The following MAGI3 variants were observed in gnomAD, a reference collection of about 807,000 sequenced individuals.
MAGI3 encodes the protein membrane-associated guanylate kinase, WW and PDZ domain-containing protein 3.
Under a neutral mutation model 121.8 loss-of-function variants are expected in MAGI3, and 43 were observed. That is an observed-to-expected ratio of 0.35 (90% CI 0.28 to 0.46). The LOEUF (loss-of-function observed/expected upper bound fraction) is 0.46. MAGI3 is among the 20% of genes least tolerant of loss of function. The pLI is 1.00. For missense variants in MAGI3, 1,547 were observed against 1,797.3 expected, an observed-to-expected ratio of 0.86 and a Z score of 2.52; for synonymous variants, 553 against 639.3, an observed-to-expected ratio of 0.86 and a Z score of 2.04.
rs1368169574 is a variant in MAGI3, at chr1:113,685,773, A to T, written c.*1759A>T. ...GTACTGATTATATACTGACTTAGCA[A>T]TGTGGCCTTGGAATGCTGAGCAAAA... On this transcript the variant is annotated 3_prime_UTR_variant, in exon 21 of 21. Transcript: ENST00000307546. 1 of 152,344 alleles carries T rather than the reference A, an allele frequency of 6.6e-6. No individual in the cohort carries two copies. Among genetic ancestry groups the T allele is most frequent in the Non-Finnish European group, 1.5e-5 (1 of 68,044 alleles). 9.4% of individuals were successfully genotyped at this position (152,344 alleles called of 1,614,324 possible).
Position 113,685,762 on chromosome 1 carries a change from C to CTGACT in MAGI3, c.*1750_*1754dup, listed in dbSNP as rs1162957089. 1.3e-5 allele frequency: 2 copies of CTGACT among 152,324 alleles called. No individual in the cohort carries two copies. The highest frequency in any genetic ancestry group is 2.4e-5 in the African/African-American group (1 of 41,438). The allele number at this position is 152,324 out of a possible 1,614,324, so 9.4% of individuals were successfully genotyped here. A position where few individuals can be genotyped will look rare whatever the true frequency, so the allele number is the denominator to read the frequency against. On this transcript the variant is annotated 3_prime_UTR_variant, in exon 21 of 21. Coordinates refer to ENST00000307546, the MANE Select transcript of MAGI3 (RefSeq NM_001142782.2). ...AAGTAAACTCTGTACTGATTATATA[C>CTGACT]TGACTTAGCAATGTGGCCTTGGAAT...
chr1:113,672,577 C>A (rs377346748), intron 17 of MAGI3, 38 bp from the exon 18 acceptor site: 34 of 1,581,110 alleles, frequency 2.2e-5, no homozygotes, highest in Non-Finnish European at 2.7e-5. Flanking sequence ...TTTTCATTTT[C>A]TCAGTTCAGA....
chr1:113,427,470 T>C (rs1009660158), intron 1 of MAGI3, among the ~76,000 whole-genome samples: 14 of 152,220 alleles, frequency 9.2e-5, no homozygotes, highest in African/African-American at 2.4e-4. Context: ...CTGGTGTTGT[T>C]GAAAGTATTC....
At chr1:113,506,568 T>G (rs1473047227) in intron 1 of MAGI3, among the ~76,000 whole-genome samples, 1 of 152,212 alleles carries the variant, frequency 6.6e-6, no homozygotes, top group Non-Finnish European at 1.5e-5. Flanking sequence ...GTGCAAAGTA[T>G]TGGTTTAAGT....
chr1:113,618,613 C>G (rs758175690), intron 7 of MAGI3: 1 of 401,810 alleles, frequency 2.5e-6, no homozygotes, highest in Non-Finnish European at 4.8e-6. Context: ...TCAAGTGAGT[C>G]TCCTACCTCA....
At chr1:113,616,947 G>A (rs551850371) in intron 7 of MAGI3, among the ~76,000 whole-genome samples, 16 of 148,224 alleles carry the variant, frequency 1.1e-4, no homozygotes, top group East Asian at 5.9e-4. Flanking sequence ...GCAGCAGCAC[G>A]ATCTTGGCTC....
intron 1 of MAGI3, among the ~76,000 whole-genome samples, chr1:113,506,725 G>T (rs1469976932): frequency 1.3e-5 from 2 of 152,152 alleles, no homozygotes; most frequent in Admixed American, 6.5e-5. Context: ...GTAGCTTATA[G>T]GAAGAAGTAT....
intron 1 of MAGI3, among the ~76,000 whole-genome samples, chr1:113,465,216 A>G (rs567717207): frequency 1.1e-4 from 17 of 152,314 alleles, no homozygotes; most frequent in African/African-American, 4.1e-4. Context: ...ATTCTTCTGC[A>G]TATGGTTAAT....
At chr1:113,650,986 A>G (rs545772775) in intron 13 of MAGI3, 28 bp from the exon 14 acceptor site, 2 of 1,597,560 alleles carry the variant, frequency 1.3e-6, no homozygotes, top group Admixed American at 1.7e-5. Context: ...TACACTGTGG[A>G]CCAAACTGTA....
chr1:113,483,597 G>A (rs748133537), intron 1 of MAGI3, among the ~76,000 whole-genome samples: 7 of 152,226 alleles, frequency 4.6e-5, no homozygotes, highest in East Asian at 1.9e-4. Context: ...GTGGTATTCC[G>A]TTATAGTAGC....
chr1:113,395,472 A>C (rs1179347983), intron 1 of MAGI3, among the ~76,000 whole-genome samples: 1 of 151,868 alleles, frequency 6.6e-6, no homozygotes, highest in African/African-American at 2.4e-5. Flanking sequence ...AATTCATATG[A>C]GTAATGGGCT....
chr1:113,441,068 C>A (rs1653888171), intron 1 of MAGI3, among the ~76,000 whole-genome samples: 1 of 152,280 alleles, frequency 6.6e-6, no homozygotes, highest in African/African-American at 2.4e-5. Context: ...AACCCCTTAA[C>A]ATTGCTGGAG....
At chr1:113,624,209 G>A (rs755213764) in intron 9 of MAGI3, among the ~76,000 whole-genome samples, 1 of 152,108 alleles carries the variant, frequency 6.6e-6, no homozygotes, top group African/African-American at 2.4e-5. Context: ...TTCCTTTCTT[G>A]TGGGTATATA....
Position 113,450,474 on chromosome 1 carries a change from C to T in MAGI3, c.316+59125C>T. The T allele has an allele frequency of 5.5e-6, 6 of 1,099,700 alleles. No homozygotes were observed. The South Asian group carries it at 7.4e-5, about 14-fold the overall frequency. 68.1% of individuals were successfully genotyped at this position (1,099,700 alleles called of 1,614,324 possible). On this transcript the variant is annotated intron_variant, in intron 1 of 20. Coordinates refer to ENST00000307546, the MANE Select transcript of MAGI3 (RefSeq NM_001142782.2). ...AGAGGGGGCTATGGTGGTGGTGGAC[C>T]AGGATATGGAAACCAAGGTGGTGGA...
intron 1 of MAGI3, among the ~76,000 whole-genome samples, chr1:113,518,172 G>C (rs921679890): frequency 6.6e-6 from 1 of 152,056 alleles, no homozygotes; most frequent in Middle Eastern, 3.2e-3. Flanking sequence ...AGTGCAAAGA[G>C]TCTATCTTTC....
In MAGI3 at chr1:113,643,771, A is replaced by T; in HGVS notation, c.1995A>T (p.Lys665Asn). The T allele has an allele frequency of 6.2e-7, 1 of 1,613,842 alleles. No homozygotes were observed. The highest frequency in any genetic ancestry group is 1.3e-5 in the African/African-American group (1 of 75,020). ...GGPPSPTKTA[K>N]MKTDKKENAG... ...CTCCTTCACCAACCAAAACTGCCAAAATGGTGAGTATACACTGGTCCTCAA... is the reference window on the plus strand; with the variant it reads ...CTCCTTCACCAACCAAAACTGCCAATATGGTGAGTATACACTGGTCCTCAA... Residue 665 changes from lysine (K) to asparagine (N), a missense_variant, in exon 11 of 21, where the codon AAA becomes AAT. By Grantham distance (94) the Lys-to-Asn change is moderately conservative (BLOSUM62 0). Coordinates refer to ENST00000307546, the MANE Select transcript of MAGI3 (RefSeq NM_001142782.2).
chr1:113,432,727 A>C (rs955701085), intron 1 of MAGI3, among the ~76,000 whole-genome samples: 1 of 152,134 alleles, frequency 6.6e-6, no homozygotes, highest in African/African-American at 2.4e-5. Flanking sequence ...AGGAGACACT[A>C]TTAAAAAAAG....
chr1:113,574,950 T>C (rs1188609168), intron 2 of MAGI3, among the ~76,000 whole-genome samples: 2 of 152,214 alleles, frequency 1.3e-5, no homozygotes, highest in Admixed American at 6.5e-5. Flanking sequence ...CTTCAGTCTC[T>C]GATATCCGTT....
At chr1:113,507,357 G>C (rs1194143144) in intron 1 of MAGI3, among the ~76,000 whole-genome samples, 1 of 152,022 alleles carries the variant, frequency 6.6e-6, no homozygotes, top group Admixed American at 6.6e-5. Flanking sequence ...TACTTGTAAG[G>C]GGATAGCGTT....
Sources: gnomAD v4.1 joint callset for allele counts (sites outside exome capture counted in the v4.1 genomes callset) on GRCh38, gnomAD v4.1.1 for gene constraint, MANE v1.5 for transcripts, NCBI Gene and HGNC (gene_info 2026-07-23, HGNC 2026-07-21) for gene names.